Variants in HK1 observed in about 807,000 individuals in gnomAD.
The protein encoded by HK1 is hexokinase 1.
A neutral mutation model predicts 91.6 loss-of-function variants in HK1; 28 were observed. The observed-to-expected ratio is 0.31, with a 90% CI of 0.23 to 0.42. The LOEUF (loss-of-function observed/expected upper bound fraction) is 0.42, where lower values mean the gene tolerates loss of function less well. HK1 is among the 10% of genes least tolerant of loss of function. The pLI is 1.00. For missense variants in HK1, 770 were observed against 1,219.8 expected (o/e 0.63, Z 5.49); for synonymous variants, 430 against 468.1 (o/e 0.92, Z 1.05).
At chr10:69,279,953 T>G (rs139986334) in intron 1 of HK1, among the ~76,000 whole-genome samples, 1 of 152,194 alleles carries the variant, frequency 6.6e-6, no homozygotes, top group Non-Finnish European at 1.5e-5. Flanking sequence ...ATACTTTGGT[T>G]GATCAGCGAT....
At chr10:69,274,758 C>T (rs1296823246) in intron 1 of HK1, among the ~76,000 whole-genome samples, 1 of 151,928 alleles carries the variant, frequency 6.6e-6, no homozygotes, top group Admixed American at 6.6e-5. Flanking sequence ...AGCAAAAATC[C>T]TATGGGGAGA....
At chr10:69,287,041 A>G (rs749053956) in intron 2 of HK1, among the ~76,000 whole-genome samples, 12 of 152,234 alleles carry the variant, frequency 7.9e-5, no homozygotes, top group Non-Finnish European at 1.6e-4. Context: ...GCACTGCTAT[A>G]AAGAAATGGC....
chr10:69,394,326 A>G (rs1179452124), intron 15 of HK1, among the ~76,000 whole-genome samples: 1 of 152,258 alleles, frequency 6.6e-6, no homozygotes, highest in Non-Finnish European at 1.5e-5. Flanking sequence ...GGGCTTGACC[A>G]GTACTCTGGG....
At chr10:69,378,142 G>A (rs1200814339) in intron 8 of HK1, among the ~76,000 whole-genome samples, 1 of 152,180 alleles carries the variant, frequency 6.6e-6, no homozygotes, top group Non-Finnish European at 1.5e-5. Context: ...GTCAGTGGCT[G>A]GGAAGGAAGG....
At chr10:69,320,543 T>C (rs370590059) in intron 1 of HK1, among the ~76,000 whole-genome samples, 1 of 152,166 alleles carries the variant, frequency 6.6e-6, no homozygotes, top group Non-Finnish European at 1.5e-5. Context: ...AGTGGTGTTG[T>C]GCATCACTGA....
chr10:69,318,871 C>G lies in HK1; in HGVS notation c.-77C>G. 1 of 1,514,056 alleles carries G rather than the reference C, an allele frequency of 6.6e-7. No individual in the cohort carries two copies. The allele number at this position is 1,514,056 out of a possible 1,614,324, so 93.8% of individuals were successfully genotyped here. A position where few individuals can be genotyped will look rare whatever the true frequency, so the allele number is the denominator to read the frequency against. ...GGAGGAGGAGCCGCCGAGCAGCCGC[C>G]GGAGGACCACGGCTCGCCAGGGCTG... On this transcript the variant is annotated 5_prime_UTR_variant, in exon 1 of 18. Coordinates refer to ENST00000359426, the MANE Select transcript of HK1 (RefSeq NM_000188.3).
At chr10:69,299,436 C>T (rs896108305) in intron 4 of HK1, among the ~76,000 whole-genome samples, 7 of 151,262 alleles carry the variant, frequency 4.6e-5, no homozygotes, top group African/African-American at 9.8e-5. Flanking sequence ...GGCGTGATCT[C>T]GGCTCCTGCA....
chr10:69,281,154 AC>A (rs1435356026), intron 1 of HK1, among the ~76,000 whole-genome samples: 4 of 152,306 alleles, frequency 2.6e-5, no homozygotes, highest in African/African-American at 9.6e-5. Context: ...GGGCTCTCAA[AC>A]TTTAGCAGGT....
At chr10:69,307,772 A>G (rs1846171646) in intron 5 of HK1, among the ~76,000 whole-genome samples, 1 of 152,234 alleles carries the variant, frequency 6.6e-6, no homozygotes, top group South Asian at 2.1e-4. Flanking sequence ...CTAGCTATTA[A>G]TATAAAGCCA....
intron 7 of HK1, among the ~76,000 whole-genome samples, chr10:69,371,001 G>A (rs1015467108): frequency 6.6e-6 from 1 of 150,808 alleles, no homozygotes; most frequent in Non-Finnish European, 1.5e-5. Context: ...CACTGACTCT[G>A]TAGACCTAAT....
rs574757121 is a variant in HK1, at chr10:69,386,217, T to C, written c.1840-106T>C. On this transcript the variant is annotated intron_variant, in intron 12 of 17. Coordinates refer to ENST00000359426, the MANE Select transcript of HK1 (RefSeq NM_000188.3). ...AGATGTTTGAACTCCGTCTCCGATG[T>C]TGTAAGCCCTCAGCAGTTGTTGACT... 5 of 830,350 alleles carry C rather than the reference T, an allele frequency of 6.0e-6. No homozygotes were observed. In the South Asian group the frequency reaches 7.1e-5, roughly 12 times the overall value. 51.4% of individuals were successfully genotyped at this position (830,350 alleles called of 1,614,324 possible).
chr10:69,382,449 G>A (rs927608568), intron 9 of HK1, 38 bp from the exon 10 acceptor site: 1 of 1,605,940 alleles, frequency 6.2e-7, no homozygotes, highest in African/African-American at 1.3e-5. Context: ...TAAATGCTCA[G>A]TCCAGCTGTT....
chr10:69,359,197 CAG>C (rs1849293896), intron 2 of HK1, among the ~76,000 whole-genome samples: 1 of 151,998 alleles, frequency 6.6e-6, no homozygotes, highest in African/African-American at 2.4e-5. Flanking sequence ...TTCATAGAGA[CAG>C]AGAGTAGAAT....
chr10:69,275,526 G>A (rs1432883468), intron 1 of HK1, among the ~76,000 whole-genome samples: 5 of 152,020 alleles, frequency 3.3e-5, no homozygotes, highest in African/African-American at 1.2e-4. Flanking sequence ...TTCTGTAAAG[G>A]GCCAGGCAGT....
intron 14 of HK1, among the ~76,000 whole-genome samples, chr10:69,389,706 G>A (rs573396552): frequency 5.9e-5 from 9 of 152,228 alleles, no homozygotes; most frequent in African/African-American, 1.9e-4. Context: ...CGGCTGGAAA[G>A]GAAGTAGAGA....
At chr10:69,295,291 C>T (rs1028994738) in intron 3 of HK1, among the ~76,000 whole-genome samples, 3 of 152,226 alleles carry the variant, frequency 2.0e-5, no homozygotes, top group African/African-American at 7.2e-5. Flanking sequence ...GCTTCCATTA[C>T]TGACCGGCAC....
chr10:69,302,747 C>A (rs1164431242), intron 5 of HK1, among the ~76,000 whole-genome samples: 13 of 85,258 alleles, frequency 1.5e-4, no homozygotes, highest in Non-Finnish European at 2.2e-4. Context: ...AACTATGGGA[C>A]CCTGTCTCAA....
At chr10:69,276,431 G>T (rs1164714812) in intron 1 of HK1, among the ~76,000 whole-genome samples, 1 of 151,660 alleles carries the variant, frequency 6.6e-6, no homozygotes, top group Non-Finnish European at 1.5e-5. Context: ...GGCCGAGGCG[G>T]GTGGATCACC....
At chr10:69,372,076 G>C (rs1242035849) in intron 7 of HK1, among the ~76,000 whole-genome samples, 2 of 152,180 alleles carry the variant, frequency 1.3e-5, no homozygotes, top group Admixed American at 6.5e-5. Context: ...GTCTTACATG[G>C]ATGGCAGCAG....
Sources: gnomAD v4.1 joint callset for allele counts (sites outside exome capture counted in the v4.1 genomes callset) on GRCh38, gnomAD v4.1.1 for gene constraint, MANE v1.5 for transcripts, NCBI Gene and HGNC (gene_info 2026-07-23, HGNC 2026-07-21) for gene names.